The following MBNL1 variants were observed in gnomAD, a reference collection of about 807,000 sequenced individuals.
MBNL1 encodes the protein muscleblind-like protein 1.
In MBNL1, 8 loss-of-function variants were observed where a neutral mutation model predicts 42.2. The ratio of observed to expected loss-of-function variants is 0.19; its 90% CI spans 0.11 to 0.34. The LOEUF is 0.34. Among genes scored for constraint, MBNL1 ranks in the 10% least tolerant of loss-of-function variants. The probability of loss-of-function intolerance (pLI) is 1.00; values close to 1 mark genes in which losing one functional copy is unlikely to be tolerated. For missense variants in MBNL1, 309 were observed against 495.3 expected (o/e 0.62, Z 3.57); for synonymous variants, 169 against 173.9 (o/e 0.97, Z 0.22).
intron 2 of MBNL1, among the ~76,000 whole-genome samples, chr3:152,310,264 A>G (rs2065585342): frequency 6.6e-6 from 1 of 152,234 alleles, no homozygotes; most frequent in South Asian, 2.1e-4. Context: ...ATTTTTAGGT[A>G]GCACATGTAG....
chr3:152,392,503 T>C (rs146526116), intron 2 of MBNL1, among the ~76,000 whole-genome samples: 36 of 152,372 alleles, frequency 2.4e-4, no homozygotes, highest in Middle Eastern at 3.4e-3. Context: ...TCTTCCTCTT[T>C]GAATAAACTG....
chr3:152,433,612 T>TGGTAGCGGGCGC (rs1401298703), intron 4 of MBNL1, among the ~76,000 whole-genome samples: 1 of 151,790 alleles, frequency 6.6e-6, no homozygotes, highest in Non-Finnish European at 1.5e-5. Flanking sequence ...TAGTCGGGCG[T>TGGTAGCGGGCGC]GGTAGCGGGC....
rs552245502 is a variant in MBNL1, at chr3:152,314,537, G to T, written c.174+14170G>T. Among the ~76,000 whole-genome samples the T allele has an allele frequency of 1.8e-3, 268 of 152,108 alleles. 2 individuals carry two copies. Among genetic ancestry groups the T allele is most frequent in the African/African-American group, 6.0e-3 (250 of 41,498 alleles). On this transcript the variant is annotated intron_variant, in intron 2 of 9. Transcript: ENST00000324210. ...ATTACAGGCATGTGCTACCACGCCC[G>T]GCTAATTTTGTATTTTTAGTAGAGA... is the stretch of plus-strand genomic sequence containing the variant.
chr3:152,318,143 T>G (rs1413836056), intron 2 of MBNL1, among the ~76,000 whole-genome samples: 1 of 152,176 alleles, frequency 6.6e-6, no homozygotes, highest in Non-Finnish European at 1.5e-5. Context: ...CCAGACTGTT[T>G]AATGGTACAA....
intron 2 of MBNL1, among the ~76,000 whole-genome samples, chr3:152,327,920 A>G (rs1016124891): frequency 2.0e-5 from 3 of 152,072 alleles, no homozygotes; most frequent in African/African-American, 7.2e-5. Context: ...AAGAAAAATC[A>G]GATGTTTCTG....
At chr3:152,310,557 G>A (rs551478941) in intron 2 of MBNL1, among the ~76,000 whole-genome samples, 1 of 152,234 alleles carries the variant, frequency 6.6e-6, no homozygotes, top group African/African-American at 2.4e-5. Flanking sequence ...TACATACGTG[G>A]GCAAGTATTT....
rs2096209605 is a variant in MBNL1, at chr3:152,364,233, T to C, written c.175-50708T>C. On this transcript the variant is annotated intron_variant, in intron 2 of 9. Transcript: ENST00000324210. ...AAGAAATAGCATCTTTATTTAGCGG[T>C]GCCTACATCTTTTATGTTTAAAATT... 3.3e-5 allele frequency among the ~76,000 whole-genome samples: 5 copies of C among 152,222 alleles called. No individual in the cohort carries two copies. The South Asian group carries it at 1.0e-3, about 32-fold the overall frequency.
At chr3:152,377,840 G>A (rs1258080650) in intron 2 of MBNL1, among the ~76,000 whole-genome samples, 1 of 152,110 alleles carries the variant, frequency 6.6e-6, no homozygotes, top group African/African-American at 2.4e-5. Context: ...GGAAATCTTC[G>A]CTTACTGTCT....
chr3:152,320,841 T>TA (rs1024483722), intron 2 of MBNL1, among the ~76,000 whole-genome samples: 1 of 152,012 alleles, frequency 6.6e-6, no homozygotes, highest in Non-Finnish European at 1.5e-5. Flanking sequence ...AACAAGGACA[T>TA]ACGGTATTTG....
At chr3:152,362,351 C>T (rs1418029505) in intron 2 of MBNL1, among the ~76,000 whole-genome samples, 7 of 152,054 alleles carry the variant, frequency 4.6e-5, no homozygotes, top group Admixed American at 2.0e-4. Flanking sequence ...GGGTGGTTTG[C>T]GCAGATGTCA....
At position 152,359,804 on chromosome 3, in the gene MBNL1, G is replaced by A. The variant is rs192928438; in HGVS notation, c.175-55137G>A. Among the ~76,000 whole-genome samples the A allele has an allele frequency of 2.0e-5, 3 of 152,256 alleles. 1 individual carries two copies. The highest frequency in any genetic ancestry group is 7.2e-5 in the African/African-American group (3 of 41,542). ...AGAAAATTCCTCAGTGATTCATAGT[G>A]GTTTTAAAAGCTAGGAGAGAGTTCA... On this transcript the variant is annotated intron_variant, in intron 2 of 9. Transcript: ENST00000324210.
intron 4 of MBNL1, among the ~76,000 whole-genome samples, chr3:152,436,919 T>C (rs1031928839): frequency 5.3e-5 from 8 of 152,328 alleles, no homozygotes; most frequent in African/African-American, 1.9e-4. Context: ...TTATTCTTGT[T>C]AACAGGATCT....
chr3:152,276,967 A>C (rs2045599644), intron 1 of MBNL1, among the ~76,000 whole-genome samples: 1 of 152,132 alleles, frequency 6.6e-6, no homozygotes, highest in Non-Finnish European at 1.5e-5. Flanking sequence ...GCTGCATAGG[A>C]TGTACCAGCT....
At chr3:152,317,518 G>A (rs946836937) in intron 2 of MBNL1, among the ~76,000 whole-genome samples, 3 of 151,912 alleles carry the variant, frequency 2.0e-5, no homozygotes, top group Non-Finnish European at 4.4e-5. Flanking sequence ...TGAGGTTTCA[G>A]CATGTTACCC....
chr3:152,320,605 C>T (rs2075852964), intron 2 of MBNL1, among the ~76,000 whole-genome samples: 1 of 151,570 alleles, frequency 6.6e-6, no homozygotes, highest in African/African-American at 2.4e-5. Context: ...TTCAGCTTAA[C>T]ACAGAATATT....
intron 5 of MBNL1, 127 bp from the exon 6 acceptor site, chr3:152,447,493 T>A: frequency 4.9e-6 from 2 of 410,604 alleles, no homozygotes; most frequent in East Asian, 4.4e-5. Flanking sequence ...ATTTTTTCCC[T>A]CGGGTAGTTA....
At chr3:152,244,335 T>C (rs1371903895) in exon 2 of MBNL1, 1 of 152,172 alleles carries the variant, frequency 6.6e-6, no homozygotes, top group African/African-American at 2.4e-5. Flanking sequence ...AAAAAAATAA[T>C]GTAACTAGAG....
At chr3:152,245,617 G>T (rs2032753866) in intron 2 of MBNL1, among the ~76,000 whole-genome samples, 1 of 152,152 alleles carries the variant, frequency 6.6e-6, no homozygotes. Flanking sequence ...TCAATTAATA[G>T]ATTTAATTTT....
At chr3:152,318,990 G>A (rs1358547190) in intron 2 of MBNL1, among the ~76,000 whole-genome samples, 1 of 152,036 alleles carries the variant, frequency 6.6e-6, no homozygotes, top group Non-Finnish European at 1.5e-5. Context: ...AGTTCCTCTA[G>A]CATTTTTGAA....
Sources: gnomAD v4.1 joint callset for allele counts (sites outside exome capture counted in the v4.1 genomes callset) on GRCh38, gnomAD v4.1.1 for gene constraint, MANE v1.5 for transcripts, NCBI Gene and HGNC (gene_info 2026-07-23, HGNC 2026-07-21) for gene names.